GRID2: variants seen among roughly 807,000 people sequenced by gnomAD.
GRID2 encodes glutamate receptor ionotropic, delta-2.
GRID2 carries 33 observed loss-of-function variants against 114.8 expected under a neutral mutation model. The ratio of observed to expected loss-of-function variants is 0.29; its 90% CI spans 0.22 to 0.38. The LOEUF is 0.38. GRID2 is among the 10% of genes least tolerant of loss of function. The probability of loss-of-function intolerance (pLI) is 1.00; values close to 1 mark genes in which losing one functional copy is unlikely to be tolerated. For missense variants in GRID2, 1,184 were observed against 1,257.7 expected (o/e 0.94, Z 0.89); for synonymous variants, 505 against 449.9 (o/e 1.12, Z -1.55).
intron 2 of GRID2, among the ~76,000 whole-genome samples, chr4:92,703,813 T>C (rs938677159): frequency 1.3e-5 from 2 of 151,978 alleles, no homozygotes; most frequent in African/African-American, 2.4e-5. Context: ...ATCAAACAAA[T>C]AATTTACTCA....
chr4:92,430,854 T>C (rs901793587), intron 1 of GRID2, among the ~76,000 whole-genome samples: 5 of 152,200 alleles, frequency 3.3e-5, no homozygotes, highest in Non-Finnish European at 7.4e-5. Context: ...TATTTTATTT[T>C]ATTTGTAGCT....
At chr4:93,267,246 T>C (rs1750951805) in intron 8 of GRID2, among the ~76,000 whole-genome samples, 1 of 152,082 alleles carries the variant, frequency 6.6e-6, no homozygotes, top group Admixed American at 6.6e-5. Flanking sequence ...TGCAGGTTAG[T>C]TACATATGTA....
intron 2 of GRID2, among the ~76,000 whole-genome samples, chr4:93,014,894 C>G (rs1224962787): frequency 2.6e-5 from 4 of 151,980 alleles, no homozygotes; most frequent in Admixed American, 6.6e-5. Flanking sequence ...GGGGTCTATT[C>G]CATATCTATT....
intron 12 of GRID2, among the ~76,000 whole-genome samples, chr4:93,506,832 G>A (rs915335810): frequency 6.6e-6 from 1 of 152,080 alleles, no homozygotes; most frequent in Non-Finnish European, 1.5e-5. Context: ...ACCTCAGCTT[G>A]CTCTTCCAAA....
intron 7 of GRID2, among the ~76,000 whole-genome samples, chr4:93,225,341 A>G (rs1257422907): frequency 6.6e-6 from 1 of 152,042 alleles, no homozygotes; most frequent in Admixed American, 6.6e-5. Flanking sequence ...TACCTGTTCC[A>G]TTCCCAGAAG....
At chr4:93,406,433 C>A (rs181338040) in intron 9 of GRID2, among the ~76,000 whole-genome samples, 1 of 152,206 alleles carries the variant, frequency 6.6e-6, no homozygotes, top group Non-Finnish European at 1.5e-5. Context: ...CATATTATCT[C>A]ATTTTTGAGA....
At chr4:92,345,255 C>G (rs537243229) in intron 1 of GRID2, among the ~76,000 whole-genome samples, 1 of 152,162 alleles carries the variant, frequency 6.6e-6, no homozygotes, top group Non-Finnish European at 1.5e-5. Context: ...TAATAGCTTC[C>G]AGCTCCATCC....
At chr4:93,305,667 T>G (rs941058444) in intron 8 of GRID2, among the ~76,000 whole-genome samples, 1 of 151,904 alleles carries the variant, frequency 6.6e-6, no homozygotes, top group East Asian at 1.9e-4. Flanking sequence ...GAATTTAGAG[T>G]GCAAATAAAA....
intron 2 of GRID2, among the ~76,000 whole-genome samples, chr4:92,798,398 G>T (rs1328067696): frequency 6.6e-6 from 1 of 151,980 alleles, no homozygotes; most frequent in Non-Finnish European, 1.5e-5. Context: ...ATGGCTCTAG[G>T]ATTGAATGCT....
chr4:92,673,017 T>G (rs1366589105), intron 2 of GRID2, among the ~76,000 whole-genome samples: 1 of 152,162 alleles, frequency 6.6e-6, no homozygotes, highest in East Asian at 1.9e-4. Context: ...TACTCTCTTA[T>G]CTTCGTAAGA....
At chr4:92,788,928 A>C (rs1739448112) in intron 2 of GRID2, among the ~76,000 whole-genome samples, 2 of 151,940 alleles carry the variant, frequency 1.3e-5, no homozygotes, top group South Asian at 4.1e-4. Flanking sequence ...TTCTTGGATG[A>C]GGAACAGAAT....
intron 14 of GRID2, among the ~76,000 whole-genome samples, chr4:93,764,906 C>A (rs1263906327): frequency 1.3e-5 from 2 of 152,000 alleles, no homozygotes; most frequent in Admixed American, 6.6e-5. Context: ...AAGAATTTTG[C>A]AACTCAATTT....
intron 2 of GRID2, among the ~76,000 whole-genome samples, chr4:92,913,748 A>G (rs1057502340): frequency 6.6e-6 from 1 of 151,958 alleles, no homozygotes; most frequent in Admixed American, 6.6e-5. Context: ...TCTGTATGTT[A>G]ACAAAAAAGA....
At chr4:92,909,879 G>T (rs1748240295) in intron 2 of GRID2, among the ~76,000 whole-genome samples, 1 of 152,024 alleles carries the variant, frequency 6.6e-6, no homozygotes, top group South Asian at 2.1e-4. Context: ...ATAAATATGA[G>T]GTTGGAATTG....
At chr4:93,094,172 G>A (rs760961265) in intron 3 of GRID2, among the ~76,000 whole-genome samples, 1 of 151,898 alleles carries the variant, frequency 6.6e-6, no homozygotes, top group Non-Finnish European at 1.5e-5. Flanking sequence ...GTGTTTATTT[G>A]CTTTCTATTA....
chr4:93,638,406 C>A (rs1721625791), intron 14 of GRID2, among the ~76,000 whole-genome samples: 1 of 34,656 alleles, frequency 2.9e-5, no homozygotes, highest in Admixed American at 2.0e-4. Flanking sequence ...GCGCTGCACC[C>A]ACTAATGTGT....
chr4:92,315,846 C>T (rs1579166544), intron 1 of GRID2, among the ~76,000 whole-genome samples: 1 of 151,788 alleles, frequency 6.6e-6, no homozygotes, highest in East Asian at 1.9e-4. Flanking sequence ...TGGTGTGCGC[C>T]TGTAATCCCA....
chr4:92,603,914 T>G (rs1729337854), intron 2 of GRID2, among the ~76,000 whole-genome samples: 1 of 151,690 alleles, frequency 6.6e-6, no homozygotes, highest in Non-Finnish European at 1.5e-5. Flanking sequence ...AAAAAACATT[T>G]ATATGGCCAA....
chr4:92,767,346 C>T (rs1738315202), intron 2 of GRID2, among the ~76,000 whole-genome samples: 1 of 152,084 alleles, frequency 6.6e-6, no homozygotes, highest in Non-Finnish European at 1.5e-5. Context: ...TTATTGAAGC[C>T]ACTGTACTTG....
Sources: gnomAD v4.1 joint callset for allele counts (sites outside exome capture counted in the v4.1 genomes callset) on GRCh38, gnomAD v4.1.1 for gene constraint, MANE v1.5 for transcripts, NCBI Gene and HGNC (gene_info 2026-07-23, HGNC 2026-07-21) for gene names.